The following PAQR5 variants were observed in gnomAD, a reference collection of about 807,000 sequenced individuals.
PAQR5 encodes membrane progestin receptor gamma.
Under a neutral mutation model 34.5 loss-of-function variants are expected in PAQR5, and 20 were observed. The observed-to-expected ratio is 0.58, with a 90% confidence interval of 0.41 to 0.84. The LOEUF (loss-of-function observed/expected upper bound fraction) is 0.84, where lower values mean the gene tolerates loss of function less well. Ranked by LOEUF, PAQR5 falls within the 40% of genes least tolerant of loss-of-function variation. The pLI is 0.00. For synonymous variants in PAQR5, 131 were observed against 155.6 expected (o/e 0.84, Z 1.18); for missense variants, 378 against 412.7 (o/e 0.92, Z 0.73).
At chr15:69,333,562 C>A (rs182751402) in intron 1 of PAQR5, among the ~76,000 whole-genome samples, 1 of 152,072 alleles carries the variant, frequency 6.6e-6, no homozygotes, top group Non-Finnish European at 1.5e-5. Flanking sequence ...AGAGATGGGC[C>A]GATTACAAAA....
intron 1 of PAQR5, among the ~76,000 whole-genome samples, chr15:69,309,778 G>T (rs896443681): frequency 6.6e-5 from 10 of 152,114 alleles, no homozygotes; most frequent in African/African-American, 2.4e-4. Context: ...GGCCAGGTGC[G>T]GTGGTTCATG....
intron 2 of PAQR5, among the ~76,000 whole-genome samples, chr15:69,354,284 G>A (rs1482277534): frequency 6.6e-6 from 1 of 152,162 alleles, no homozygotes; most frequent in Non-Finnish European, 1.5e-5. Context: ...ACCAAGGACT[G>A]TAATTGTCAT....
intron 3 of PAQR5, among the ~76,000 whole-genome samples, chr15:69,365,806 C>T (rs771168277): frequency 6.6e-5 from 10 of 152,120 alleles, no homozygotes; most frequent in Non-Finnish European, 1.0e-4. Flanking sequence ...ATTACCTGGG[C>T]GGAGCCACCA....
intron 1 of PAQR5, among the ~76,000 whole-genome samples, chr15:69,321,953 C>A (rs965047534): frequency 3.9e-5 from 6 of 152,208 alleles, no homozygotes; most frequent in African/African-American, 1.4e-4. Context: ...ATGATAGATA[C>A]CCTTGTACTG....
chr15:69,327,156 T>TTCA (rs2054272840), intron 1 of PAQR5, among the ~76,000 whole-genome samples: 1 of 151,424 alleles, frequency 6.6e-6, no homozygotes. Context: ...GGCTAATTTC[T>TTCA]TTATTATTAT....
At chr15:69,378,928 G>T (rs1438474146) in intron 3 of PAQR5, among the ~76,000 whole-genome samples, 3 of 152,104 alleles carry the variant, frequency 2.0e-5, no homozygotes, top group Admixed American at 2.0e-4. Flanking sequence ...ACAATGATCT[G>T]GCCCAAAGTG....
intron 6 of PAQR5, among the ~76,000 whole-genome samples, chr15:69,390,777 A>G (rs1000506018): frequency 4.6e-5 from 7 of 151,208 alleles, no homozygotes; most frequent in African/African-American, 1.7e-4. Context: ...CAAATGCCCT[A>G]TGCATCCCTC....
intron 3 of PAQR5, among the ~76,000 whole-genome samples, chr15:69,374,908 C>T (rs545304137): frequency 1.3e-5 from 2 of 152,146 alleles, no homozygotes; most frequent in South Asian, 2.1e-4. Context: ...GGTGGGAGTC[C>T]GGCTTTGAAG....
rs1486766425 is a variant in PAQR5, at chr15:69,406,536, C to T, written c.*2714C>T. ...TACTCTTCCCCTCTTCTCACTACTG[C>T]ACTTGACTAGTCTTAAAACAAAGAA... On this transcript the variant is annotated 3_prime_UTR_variant, in exon 9 of 9. Coordinates refer to ENST00000395407, the MANE Select transcript of PAQR5 (RefSeq NM_017705.4). 1 of 152,256 alleles carries T rather than the reference C, an allele frequency of 6.6e-6. No individual in the cohort carries two copies. The highest frequency in any genetic ancestry group is 6.5e-5 in the Admixed American group (1 of 15,284). The allele number at this position is 152,256 out of a possible 1,614,324, so 9.4% of individuals were successfully genotyped here. A position where few individuals can be genotyped will look rare whatever the true frequency, so the allele number is the denominator to read the frequency against.
At chr15:69,374,503 C>A (rs890455647) in intron 3 of PAQR5, among the ~76,000 whole-genome samples, 4 of 152,110 alleles carry the variant, frequency 2.6e-5, no homozygotes, top group African/African-American at 9.7e-5. Flanking sequence ...TGTTGAAACC[C>A]TATCTCTACT....
At chr15:69,378,021 G>A (rs1295873764) in intron 3 of PAQR5, among the ~76,000 whole-genome samples, 1 of 152,138 alleles carries the variant, frequency 6.6e-6, no homozygotes, top group African/African-American at 2.4e-5. Flanking sequence ...CCAGCACTTT[G>A]GGAGCCCGAG....
At chr15:69,397,008 T>TCAAA (rs2056455480) in intron 6 of PAQR5, 3 of 360,162 alleles carry the variant, frequency 8.3e-6, no homozygotes, top group South Asian at 6.3e-5. Context: ...TGAACCCAGG[T>TCAAA]CTCCTGCATG....
Position 69,380,015 on chromosome 15 carries a change from CT to C in PAQR5, c.179+7del. The C allele has an allele frequency of 6.2e-7, 1 of 1,614,018 alleles. No individual in the cohort carries two copies. Among genetic ancestry groups the C allele is most frequent in the African/African-American group, 1.3e-5 (1 of 75,064 alleles). ...GACTCACTTGCTGCCCTTCTGGTACCTTCTGGCCCCCTCGACCGGCCTGTCT... is the reference window on the plus strand; with the variant it reads ...GACTCACTTGCTGCCCTTCTGGTACCTCTGGCCCCCTCGACCGGCCTGTCT... On this transcript the variant is annotated splice_donor_region_variant and intron_variant, in intron 4 of 8. Coordinates refer to ENST00000395407, the MANE Select transcript of PAQR5 (RefSeq NM_017705.4).
At chr15:69,396,337 G>A (rs1057299868) in intron 6 of PAQR5, among the ~76,000 whole-genome samples, 2 of 151,822 alleles carry the variant, frequency 1.3e-5, no homozygotes, top group African/African-American at 4.8e-5. Flanking sequence ...GCAGAGATAG[G>A]AGCCACAGCA....
At chr15:69,359,144 A>G (rs2055162228) in intron 2 of PAQR5, among the ~76,000 whole-genome samples, 1 of 152,110 alleles carries the variant, frequency 6.6e-6, no homozygotes, top group East Asian at 1.9e-4. Flanking sequence ...AAGCTCCCTC[A>G]CACCTCTTTT....
chr15:69,343,945 C>G (rs1473722441), intron 2 of PAQR5, among the ~76,000 whole-genome samples: 1 of 152,308 alleles, frequency 6.6e-6, no homozygotes, highest in South Asian at 2.1e-4. Context: ...CCCCAGCAAG[C>G]TGCTCTTCCT....
At chr15:69,369,045 A>T (rs1567024744) in intron 3 of PAQR5, among the ~76,000 whole-genome samples, 1 of 152,236 alleles carries the variant, frequency 6.6e-6, no homozygotes. Flanking sequence ...TTTTGGCATT[A>T]CAGGGTTGAG....
chr15:69,340,315 A>G (rs1263642692), intron 2 of PAQR5, among the ~76,000 whole-genome samples: 4 of 151,990 alleles, frequency 2.6e-5, no homozygotes. Flanking sequence ...AACAGTACTT[A>G]CCTTTACTCT....
chr15:69,300,346 C>T (rs555564209), intron 1 of PAQR5, among the ~76,000 whole-genome samples: 1 of 152,134 alleles, frequency 6.6e-6, no homozygotes, highest in Non-Finnish European at 1.5e-5. Context: ...ACCTGGCACA[C>T]GGAAGGTGCT....
Sources: gnomAD v4.1 joint callset for allele counts (sites outside exome capture counted in the v4.1 genomes callset) on GRCh38, gnomAD v4.1.1 for gene constraint, MANE v1.5 for transcripts, NCBI Gene and HGNC (gene_info 2026-07-23, HGNC 2026-07-21) for gene names.